Variants in EXOC4 observed in about 807,000 individuals in gnomAD.
The protein encoded by EXOC4 is SEC8-like 1.
EXOC4 carries 71 observed loss-of-function variants against 107.2 expected under a neutral mutation model. The ratio of observed to expected loss-of-function variants is 0.66; its 90% CI spans 0.55 to 0.81. The LOEUF (loss-of-function observed/expected upper bound fraction) is 0.81, where lower values mean the gene tolerates loss of function less well. Ranked by LOEUF, EXOC4 falls within the 30% of genes least tolerant of loss-of-function variation. EXOC4 has a pLI of 0.00. For synonymous variants in EXOC4, 456 were observed against 441.2 expected (o/e 1.03, Z -0.42); for missense variants, 1,108 against 1,189.6 (o/e 0.93, Z 1.01).
chr7:133,672,849 C>G (rs558084378), intron 10 of EXOC4, among the ~76,000 whole-genome samples: 1 of 152,214 alleles, frequency 6.6e-6, no homozygotes, highest in Non-Finnish European at 1.5e-5. Flanking sequence ...GAAACCCAGT[C>G]TTATCCCAGG....
intron 7 of EXOC4, among the ~76,000 whole-genome samples, chr7:133,465,183 G>C (rs1798698747): frequency 6.6e-6 from 1 of 151,986 alleles, no homozygotes; most frequent in Non-Finnish European, 1.5e-5. Context: ...AAAGAAAAGG[G>C]GAGAAAGCAA....
intron 17 of EXOC4, among the ~76,000 whole-genome samples, chr7:134,040,540 TG>T (rs1255693540): frequency 6.6e-6 from 1 of 152,170 alleles, no homozygotes; most frequent in Non-Finnish European, 1.5e-5. Context: ...CCATGTTACT[TG>T]AAACCTCCAT....
chr7:133,853,605 T>C (rs972999037), intron 11 of EXOC4, among the ~76,000 whole-genome samples: 8 of 152,116 alleles, frequency 5.3e-5, no homozygotes, highest in African/African-American at 1.7e-4. Flanking sequence ...GGAAAGAAAA[T>C]CTTTCTTTGC....
chr7:133,585,189 C>T lies in EXOC4; in HGVS notation c.1418-44856C>T, dbSNP rs1585014075. Among the ~76,000 whole-genome samples the T allele has an allele frequency of 7.9e-5, 12 of 152,266 alleles. No individual in the cohort carries two copies. The South Asian group carries it at 1.7e-3, about 21-fold the overall frequency. ...AATAATTCAAGTCTCATTTCCTCTT[C>T]GAAGAGGAAGCAGTGTGGTATTTTA... On this transcript the variant is annotated intron_variant, in intron 9 of 17. Coordinates refer to ENST00000253861, the MANE Select transcript of EXOC4 (RefSeq NM_021807.4).
At chr7:133,790,711 T>G (rs1562998971) in intron 10 of EXOC4, among the ~76,000 whole-genome samples, 1 of 152,240 alleles carries the variant, frequency 6.6e-6, no homozygotes, top group Non-Finnish European at 1.5e-5. Flanking sequence ...GTGACTGAAA[T>G]ATTCTTAAGT....
chr7:133,902,919 A>G (rs1233765130), intron 12 of EXOC4, among the ~76,000 whole-genome samples: 1 of 152,072 alleles, frequency 6.6e-6, no homozygotes, highest in African/African-American at 2.4e-5. Context: ...AAAGAAATGG[A>G]GTAAAGTAGA....
At chr7:133,765,596 C>A (rs1230252810) in intron 10 of EXOC4, among the ~76,000 whole-genome samples, 1 of 151,872 alleles carries the variant, frequency 6.6e-6, no homozygotes, top group African/African-American at 2.4e-5. Flanking sequence ...ATTTTAAGAT[C>A]TTTGTGTAGC....
At chr7:133,575,191 C>T (rs983169606) in intron 9 of EXOC4, among the ~76,000 whole-genome samples, 3 of 152,142 alleles carry the variant, frequency 2.0e-5, no homozygotes, top group African/African-American at 7.2e-5. Flanking sequence ...ATTGCTACCA[C>T]ATTGTCCGAG....
intron 12 of EXOC4, among the ~76,000 whole-genome samples, chr7:133,900,460 G>A (rs1281304129): frequency 6.6e-6 from 1 of 152,214 alleles, no homozygotes; most frequent in Non-Finnish European, 1.5e-5. Context: ...GATGTGGAAA[G>A]GAAAGCTTGG....
chr7:133,792,255 C>T (rs1796718288), intron 10 of EXOC4, among the ~76,000 whole-genome samples: 1 of 152,074 alleles, frequency 6.6e-6, no homozygotes. Context: ...CATATTGTTT[C>T]ATCATTTAAA....
intron 11 of EXOC4, among the ~76,000 whole-genome samples, chr7:133,855,916 G>A (rs923192660): frequency 6.6e-6 from 1 of 152,138 alleles, no homozygotes; most frequent in African/African-American, 2.4e-5. Context: ...AACCATGTAC[G>A]TAGGTTGTCA....
intron 9 of EXOC4, among the ~76,000 whole-genome samples, chr7:133,569,388 C>T (rs1423253268): frequency 2.0e-5 from 3 of 152,208 alleles, no homozygotes; most frequent in South Asian, 2.1e-4. Context: ...GTAAGAGAAG[C>T]GCTTCAGTTT....
In EXOC4 at chr7:133,393,509, C is replaced by G. The variant is rs1204199198; in HGVS notation, c.1182+18507C>G. On this transcript the variant is annotated intron_variant, in intron 7 of 17. Transcript: ENST00000253861. Reference sequence around the variant, plus strand: ...CTATAGACTGAATGTTTATGTCCCCCCTACCCCATATTCATATGTTGAAAG... The same window carrying G: ...CTATAGACTGAATGTTTATGTCCCCGCTACCCCATATTCATATGTTGAAAG... 2.0e-5 allele frequency among the ~76,000 whole-genome samples: 3 copies of G among 152,162 alleles called. No homozygotes were observed. In the East Asian group the frequency reaches 5.8e-4, roughly 29 times the overall value.
At chr7:133,269,029 G>A (rs58092510) in intron 1 of EXOC4, among the ~76,000 whole-genome samples, 23,881 of 152,022 alleles carry the variant, frequency 0.16, 3,974 homozygotes, top group African/African-American at 0.41. Flanking sequence ...TTTGAGAATA[G>A]GAATGGAAAA....
chr7:133,276,866 T>A (rs896118334), intron 2 of EXOC4, among the ~76,000 whole-genome samples: 1 of 152,252 alleles, frequency 6.6e-6, no homozygotes, highest in Non-Finnish European at 1.5e-5. Context: ...TGATGATATA[T>A]GACTTTCAGC....
At chr7:133,705,989 C>T (rs554621273) in intron 10 of EXOC4, among the ~76,000 whole-genome samples, 4 of 152,302 alleles carry the variant, frequency 2.6e-5, no homozygotes, top group East Asian at 3.9e-4. Flanking sequence ...TATTAAACTT[C>T]GTTTCTACTA....
intron 10 of EXOC4, among the ~76,000 whole-genome samples, chr7:133,777,002 G>A (rs535170272): frequency 2.2e-4 from 34 of 152,234 alleles, no homozygotes; most frequent in African/African-American, 7.7e-4. Context: ...AAAGGAGCAG[G>A]AGCTTTAAAT....
intron 7 of EXOC4, among the ~76,000 whole-genome samples, chr7:133,387,026 T>C (rs762051645): frequency 6.6e-6 from 1 of 152,180 alleles, no homozygotes; most frequent in Non-Finnish European, 1.5e-5. Flanking sequence ...AGTCTTAGTT[T>C]TGTTATCTTT....
intron 7 of EXOC4, among the ~76,000 whole-genome samples, chr7:133,466,319 A>G (rs1206800718): frequency 1.3e-5 from 2 of 152,156 alleles, no homozygotes; most frequent in African/African-American, 2.4e-5. Context: ...CCAATTAAAA[A>G]AGAGAAGTCT....
Sources: gnomAD v4.1 joint callset for allele counts (sites outside exome capture counted in the v4.1 genomes callset) on GRCh38, gnomAD v4.1.1 for gene constraint, MANE v1.5 for transcripts, NCBI Gene and HGNC (gene_info 2026-07-23, HGNC 2026-07-21) for gene names.